The following TMEM117 variants were observed in gnomAD, a reference collection of about 807,000 sequenced individuals.
TMEM117 encodes transmembrane protein 117.
Under a neutral mutation model 52.4 loss-of-function variants are expected in TMEM117, and 27 were observed. That is an observed-to-expected ratio of 0.51 (90% CI 0.38 to 0.71). The LOEUF (loss-of-function observed/expected upper bound fraction) is 0.71, where lower values mean the gene tolerates loss of function less well. Among genes scored for constraint, TMEM117 ranks in the 30% least tolerant of loss-of-function variants. The probability of loss-of-function intolerance (pLI) is 0.00; values close to 1 mark genes in which losing one functional copy is unlikely to be tolerated. For missense variants in TMEM117, 556 were observed against 630.5 expected (o/e 0.88, Z 1.26); for synonymous variants, 215 against 206.3 (o/e 1.04, Z -0.36).
intron 6 of TMEM117, among the ~76,000 whole-genome samples, chr12:44,320,175 CA>C (rs1260588958): frequency 5.3e-5 from 8 of 152,126 alleles, no homozygotes; most frequent in Non-Finnish European, 4.4e-5. Flanking sequence ...TCACTCACAC[CA>C]AAAAACCTTT....
intron 4 of TMEM117, among the ~76,000 whole-genome samples, 163 bp from the exon 5 acceptor site, chr12:44,211,127 T>C (rs1039822880): frequency 6.6e-6 from 1 of 152,132 alleles, no homozygotes; most frequent in Non-Finnish European, 1.5e-5. Context: ...ACTATTAAAG[T>C]TTTTAATTGA....
chr12:43,881,943 G>A (rs1157124613), intron 2 of TMEM117, among the ~76,000 whole-genome samples: 1 of 145,466 alleles, frequency 6.9e-6, no homozygotes, highest in African/African-American at 2.6e-5. Flanking sequence ...GTGGTGGCAA[G>A]CGCCTGTAGT....
the TMEM117 span, among the ~76,000 whole-genome samples, chr12:43,821,119 A>G: frequency 6.6e-6 from 1 of 152,018 alleles, no homozygotes; most frequent in Non-Finnish European, 1.5e-5. Flanking sequence ...AAAAAGAAAA[A>G]AAAAGCATAA....
chr12:43,886,494 A>T (rs1268388663), intron 2 of TMEM117, among the ~76,000 whole-genome samples: 1 of 152,204 alleles, frequency 6.6e-6, no homozygotes, highest in Non-Finnish European at 1.5e-5. Flanking sequence ...AGGAGTAAAT[A>T]GTACTTAGGC....
intron 6 of TMEM117, among the ~76,000 whole-genome samples, chr12:44,329,567 T>C (rs375339107): frequency 7.2e-5 from 11 of 152,090 alleles, no homozygotes; most frequent in Non-Finnish European, 1.2e-4. Context: ...TGTCAGAATA[T>C]TGTTTTCTTC....
intron 3 of TMEM117, among the ~76,000 whole-genome samples, chr12:44,071,516 G>A (rs1404281057): frequency 1.3e-5 from 2 of 152,184 alleles, no homozygotes. Context: ...TGTGAAAGAT[G>A]TGACTATTTT....
rs182755164 is a variant in TMEM117, at chr12:43,940,723, T to C, written c.278-3487T>C. ...CGCCTGGCTAATATTTTTGTATTTT[T>C]AGTAGAAACCGGGTTTCACCATGTT... On this transcript the variant is annotated intron_variant, in intron 2 of 7. Transcript: ENST00000266534. 3.0e-4 allele frequency among the ~76,000 whole-genome samples: 46 copies of C among 152,252 alleles called. No individual in the cohort carries two copies. The East Asian group carries it at 7.3e-3, about 24-fold the overall frequency.
In TMEM117 at chr12:43,946,619, G is replaced by A. The variant is rs115488771; in HGVS notation, c.410+2277G>A. Among the ~76,000 whole-genome samples, 1,065 of 152,262 alleles carry A rather than the reference G, an allele frequency of 7.0e-3. 10 individuals are homozygous for A. The highest frequency in any genetic ancestry group is 0.023 in the African/African-American group (961 of 41,554). On this transcript the variant is annotated intron_variant, in intron 3 of 7. Transcript: ENST00000266534. ...CTCGCAGTGACTCCATGGAATAGGA[G>A]TTATTACCTCCATTTTGCAGATCAA...
At chr12:44,305,082 C>T (rs1416607501) in intron 6 of TMEM117, among the ~76,000 whole-genome samples, 1 of 152,180 alleles carries the variant, frequency 6.6e-6, no homozygotes, top group African/African-American at 2.4e-5. Context: ...GAGGGGAGCC[C>T]ATTCCTGAAA....
chr12:44,063,091 C>T (rs1947164946), intron 3 of TMEM117, among the ~76,000 whole-genome samples: 1 of 152,144 alleles, frequency 6.6e-6, no homozygotes, highest in South Asian at 2.1e-4. Context: ...CAACACCCTC[C>T]CTCCTCCTGC....
intron 3 of TMEM117, among the ~76,000 whole-genome samples, chr12:44,141,878 T>C (rs534118472): frequency 6.6e-6 from 1 of 152,334 alleles, no homozygotes; most frequent in Admixed American, 6.5e-5. Context: ...AGGTTCTGCA[T>C]ACTATTCTTG....
chr12:44,061,021 A>G (rs1033918915), intron 3 of TMEM117, among the ~76,000 whole-genome samples: 2 of 152,164 alleles, frequency 1.3e-5, no homozygotes, highest in Non-Finnish European at 2.9e-5. Context: ...TTTTATTTTT[A>G]TAACAACCCA....
At chr12:44,308,693 C>A (rs931470624) in intron 6 of TMEM117, among the ~76,000 whole-genome samples, 1 of 150,954 alleles carries the variant, frequency 6.6e-6, no homozygotes, top group Non-Finnish European at 1.5e-5. Flanking sequence ...CATCTCGGCT[C>A]GCTGCAAGCT....
chr12:44,012,932 T>C (rs74087909), intron 3 of TMEM117, among the ~76,000 whole-genome samples: 8,917 of 152,166 alleles, frequency 0.059, 396 homozygotes, highest in African/African-American at 0.12. Flanking sequence ...AAATAGGCCT[T>C]CAGTGATGCA....
At chr12:44,119,748 T>C (rs1229458102) in intron 3 of TMEM117, among the ~76,000 whole-genome samples, 1 of 152,208 alleles carries the variant, frequency 6.6e-6, no homozygotes, top group East Asian at 1.9e-4. Flanking sequence ...AGAAAAATAC[T>C]GATGCATTTG....
chr12:44,333,109 C>A (rs919663072), intron 6 of TMEM117, among the ~76,000 whole-genome samples: 1 of 151,856 alleles, frequency 6.6e-6, no homozygotes, highest in African/African-American at 2.4e-5. Context: ...TTGTCAAAAC[C>A]ACCCAGACAA....
chr12:43,814,893 C>T, the TMEM117 span, among the ~76,000 whole-genome samples: 57 of 152,052 alleles, frequency 3.7e-4, no homozygotes, highest in Non-Finnish European at 4.7e-4. Context: ...TACAGGCACC[C>T]GCCACCATGC....
intron 3 of TMEM117, among the ~76,000 whole-genome samples, chr12:44,075,010 G>A (rs146850353): frequency 4.7e-4 from 72 of 152,242 alleles, no homozygotes; most frequent in Middle Eastern, 3.4e-3. Context: ...GGCTTATTCA[G>A]TTTTCTCAGA....
intron 3 of TMEM117, among the ~76,000 whole-genome samples, chr12:44,040,118 T>G (rs968180939): frequency 6.6e-6 from 1 of 152,124 alleles, no homozygotes; most frequent in Non-Finnish European, 1.5e-5. Context: ...GTTATTGACA[T>G]GACATCACGG....
Sources: gnomAD v4.1 joint callset for allele counts (sites outside exome capture counted in the v4.1 genomes callset) on GRCh38, gnomAD v4.1.1 for gene constraint, MANE v1.5 for transcripts, NCBI Gene and HGNC (gene_info 2026-07-23, HGNC 2026-07-21) for gene names.